Variants in GRM1 observed in about 807,000 individuals in gnomAD.
GRM1 encodes the protein glutamate metabotropic receptor 1, also known as metabotropic glutamate receptor 1.
In GRM1, 33 loss-of-function variants were observed where a neutral mutation model predicts 90.9. The observed-to-expected ratio is 0.36, with a 90% CI of 0.28 to 0.49. The LOEUF (loss-of-function observed/expected upper bound fraction) is 0.49. Among genes scored for constraint, GRM1 ranks in the 20% least tolerant of loss-of-function variants. GRM1 has a pLI of 0.99. For synonymous variants in GRM1, 700 were observed against 613.2 expected, an observed-to-expected ratio of 1.14 and a Z score of -2.09; for missense variants, 1,190 against 1,534.3, an observed-to-expected ratio of 0.78 and a Z score of 3.75.
chr6:146,245,115 A>T (rs935090547), intron 2 of GRM1, among the ~76,000 whole-genome samples: 2 of 152,186 alleles, frequency 1.3e-5, no homozygotes, highest in Admixed American at 6.6e-5. Flanking sequence ...TTACACTTTA[A>T]CGACTCCCAA....
At chr6:146,152,975 A>C (rs1487362621) in intron 1 of GRM1, among the ~76,000 whole-genome samples, 1 of 152,330 alleles carries the variant, frequency 6.6e-6, no homozygotes, top group East Asian at 1.9e-4. Flanking sequence ...TCAAGCCAGC[A>C]AAAGCAGGAA....
At chr6:146,092,142 A>T (rs1266732679) in intron 1 of GRM1, among the ~76,000 whole-genome samples, 1 of 152,080 alleles carries the variant, frequency 6.6e-6, no homozygotes, top group East Asian at 1.9e-4. Flanking sequence ...AGAGGCTAGG[A>T]ATTCCAAGAT....
chr6:146,237,189 AT>A (rs1421266192), intron 2 of GRM1, among the ~76,000 whole-genome samples: 2 of 151,778 alleles, frequency 1.3e-5, no homozygotes, highest in African/African-American at 4.8e-5. Flanking sequence ...TTTCCTATAT[AT>A]TTTTTTAAAC....
chr6:146,431,231 T>C (rs1467980566), intron 7 of GRM1, among the ~76,000 whole-genome samples: 1 of 152,206 alleles, frequency 6.6e-6, no homozygotes, highest in Non-Finnish European at 1.5e-5. Flanking sequence ...AGAGCAAGAC[T>C]GAGGGGAACG....
intron 7 of GRM1, among the ~76,000 whole-genome samples, chr6:146,423,065 T>C (rs1035321905): frequency 1.2e-4 from 18 of 151,940 alleles, no homozygotes; most frequent in Non-Finnish European, 2.4e-4. Flanking sequence ...TAAGAAGAAA[T>C]TGAAGAGGAC....
chr6:146,251,113 C>A (rs1309638991), intron 2 of GRM1, among the ~76,000 whole-genome samples: 1 of 152,168 alleles, frequency 6.6e-6, no homozygotes, highest in African/African-American at 2.4e-5. Flanking sequence ...TAAGTGAAAA[C>A]GTTAGTGGCC....
At chr6:146,034,634 A>G (rs1790819768) in intron 1 of GRM1, among the ~76,000 whole-genome samples, 1 of 151,944 alleles carries the variant, frequency 6.6e-6, no homozygotes, top group African/African-American at 2.4e-5. Flanking sequence ...TTGTGTCTCC[A>G]GGATTTAACC....
chr6:146,076,733 T>A (rs919649493), intron 1 of GRM1, among the ~76,000 whole-genome samples: 2 of 152,136 alleles, frequency 1.3e-5, no homozygotes, highest in Admixed American at 6.6e-5. Flanking sequence ...ACAGTTGAAG[T>A]TGAGGTGAGA....
chr6:146,339,955 T>C (rs1391578761), intron 3 of GRM1, among the ~76,000 whole-genome samples: 1 of 152,216 alleles, frequency 6.6e-6, no homozygotes, highest in Non-Finnish European at 1.5e-5. Context: ...CTTTTCCTCC[T>C]TAATGAACAC....
intron 1 of GRM1, among the ~76,000 whole-genome samples, chr6:146,080,521 G>A (rs1255569859): frequency 6.6e-6 from 1 of 152,148 alleles, no homozygotes; most frequent in Non-Finnish European, 1.5e-5. Context: ...AGAGAAGGGA[G>A]GAAGTTACAA....
intron 1 of GRM1, among the ~76,000 whole-genome samples, chr6:146,043,418 AT>A (rs1791189368): frequency 6.6e-6 from 1 of 152,098 alleles, no homozygotes; most frequent in East Asian, 1.9e-4. Flanking sequence ...CAGAACAGGG[AT>A]TAAAAATTTA....
At chr6:146,300,942 G>A (rs1437458300) in intron 2 of GRM1, among the ~76,000 whole-genome samples, 3 of 152,138 alleles carry the variant, frequency 2.0e-5, no homozygotes, top group Non-Finnish European at 4.4e-5. Context: ...CTAATGCAAC[G>A]AAACAGCAAA....
intron 2 of GRM1, among the ~76,000 whole-genome samples, chr6:146,291,979 T>C (rs1027270595): frequency 6.6e-6 from 1 of 151,954 alleles, no homozygotes; most frequent in Non-Finnish European, 1.5e-5. Flanking sequence ...TAACATATAG[T>C]CAGGTGCAAT....
At chr6:146,082,276 C>T (rs904768468) in intron 1 of GRM1, among the ~76,000 whole-genome samples, 2 of 152,144 alleles carry the variant, frequency 1.3e-5, no homozygotes, top group African/African-American at 2.4e-5. Context: ...CCATCTCAGC[C>T]TCCCATGTGG....
rs553847414 is a variant in GRM1 at position 146,302,313 on chromosome 6, C to T, written c.951-2298C>T. Among the ~76,000 whole-genome samples the T allele has an allele frequency of 6.0e-5, 9 of 149,358 alleles. No homozygotes were observed. In the East Asian group the frequency reaches 1.4e-3, roughly 23 times the overall value. On this transcript the variant is annotated intron_variant, in intron 2 of 7. Transcript: ENST00000282753. Reference sequence around the variant, plus strand: ...GCGTGCACACACACAAGCAGGCACACGTGTCATATCTGCACACTAGATTAA... The same window carrying T: ...GCGTGCACACACACAAGCAGGCACATGTGTCATATCTGCACACTAGATTAA...
At position 146,255,801 on chromosome 6, in the gene GRM1, A is replaced by G. The variant is rs1781457129; in HGVS notation, c.951-48810A>G. ...AACTCCATCTTTCTTCACACGCTAC[A>G]TTTTTTTAAAGTACTGTATGTACAT... On this transcript the variant is annotated intron_variant, in intron 2 of 7. Transcript: ENST00000282753. Among the ~76,000 whole-genome samples, 3 of 152,046 alleles carry G rather than the reference A, an allele frequency of 2.0e-5. No homozygotes were observed. In the South Asian group the frequency reaches 6.2e-4, roughly 31 times the overall value.
intron 3 of GRM1, among the ~76,000 whole-genome samples, chr6:146,351,481 A>G (rs760565694): frequency 2.0e-5 from 3 of 152,216 alleles, no homozygotes; most frequent in Non-Finnish European, 4.4e-5. Flanking sequence ...CTAGGCTTCC[A>G]ATATGGAGCT....
intron 5 of GRM1, among the ~76,000 whole-genome samples, chr6:146,359,396 C>T (rs1775368542): frequency 6.6e-6 from 1 of 152,134 alleles, no homozygotes; most frequent in South Asian, 2.1e-4. Context: ...TGCACTTCTG[C>T]CACCCAAAGG....
intron 2 of GRM1, among the ~76,000 whole-genome samples, chr6:146,302,854 AAAAG>A (rs1021874201): frequency 2.6e-5 from 4 of 152,196 alleles, no homozygotes; most frequent in East Asian, 1.9e-4. Context: ...GAAGAAAGAA[AAAAG>A]AAAGAAGGAA....
Sources: allele counts gnomAD v4.1 joint callset (sites outside exome capture counted in the v4.1 genomes callset), GRCh38; gene constraint gnomAD v4.1.1; transcripts MANE v1.5; gene names NCBI Gene and HGNC (gene_info 2026-07-23, HGNC 2026-07-21).